The following ASMTL variants were observed in gnomAD, a reference collection of about 807,000 sequenced individuals.
The protein encoded by ASMTL is probable bifunctional dTTP/UTP pyrophosphatase/methyltransferase protein.
ASMTL carries 57 observed loss-of-function variants against 60.3 expected under a neutral mutation model. The ratio of observed to expected loss-of-function variants is 0.95; its 90% confidence interval spans 0.76 to 1.18. The LOEUF (loss-of-function observed/expected upper bound fraction) is 1.18, where lower values mean the gene tolerates loss of function less well. ASMTL is among the 50% of genes most tolerant of loss of function. The pLI is 0.00. For synonymous variants in ASMTL, 419 were observed against 373.0 expected (o/e 1.12, Z -1.42); for missense variants, 981 against 852.6 (o/e 1.15, Z -1.88).
chrX:1,407,097 G>A (rs1305695350), intron 12 of ASMTL, among the ~76,000 whole-genome samples: 2 of 146,236 alleles, frequency 1.4e-5, no homozygotes, highest in African/African-American at 5.3e-5. Context: ...GTGAACTGAT[G>A]GTAGATGATG....
rs756502646 is a variant in ASMTL, at chrX:1,403,385, C to T, written c.1750G>A (p.Glu584Lys). ...CACTGATACTCGCCCAGGCTCCGCT[C>T]CTTGCCTTCAGTCTGCACCAGCATG... is the stretch of plus-strand genomic sequence containing the variant. Reference protein sequence around the residue: ...LNMLVQTEGKERSLGEYQCLL... With the variant: ...LNMLVQTEGKKRSLGEYQCLL... The change falls in exon 13 of 13, where the codon GAG becomes AAG. Residue 584 changes from glutamate to lysine, a missense_variant. Coordinates refer to ENST00000381317, the MANE Select transcript of ASMTL (RefSeq NM_004192.4). 1.9e-6 allele frequency: 3 copies of T among 1,613,390 alleles called. No homozygotes were observed. The highest frequency in any genetic ancestry group is 2.5e-6 in the Non-Finnish European group (3 of 1,179,876).
At chrX:1,436,952 A>G (rs2090982242) in intron 3 of ASMTL, among the ~76,000 whole-genome samples, 1 of 152,214 alleles carries the variant, frequency 6.6e-6, no homozygotes, top group Non-Finnish European at 1.5e-5. Flanking sequence ...GAAGGGCGAG[A>G]TCCAGGTGTG....
intron 1 of ASMTL, among the ~76,000 whole-genome samples, chrX:1,450,078 C>CCCCATCACCAGTAACTAT (rs1262171906): frequency 6.6e-6 from 1 of 151,498 alleles, no homozygotes; most frequent in African/African-American, 2.4e-5. Flanking sequence ...GTAACTATGC[C>CCCCATCACCAGTAACTAT]CCCATCACCA....
At chrX:1,420,630 T>C (rs112133773) in intron 9 of ASMTL, among the ~76,000 whole-genome samples, 21,118 of 152,006 alleles carry the variant, frequency 0.14, 1,685 homozygotes, top group African/African-American at 0.21. Context: ...GACCCCACCA[T>C]ATCTCACACG....
chrX:1,415,756 G>A (rs1457503027), intron 11 of ASMTL, among the ~76,000 whole-genome samples: 2 of 152,222 alleles, frequency 1.3e-5, no homozygotes, highest in South Asian at 2.1e-4. Flanking sequence ...GTGAGCTACT[G>A]TGCCCAGCCT....
intron 3 of ASMTL, among the ~76,000 whole-genome samples, chrX:1,436,563 A>G (rs1241933308): frequency 6.6e-6 from 1 of 152,148 alleles, no homozygotes; most frequent in Non-Finnish European, 1.5e-5. Context: ...CATGTTGGCC[A>G]GGATGGTCTC....
At chrX:1,449,614 C>G (rs866010095) in intron 1 of ASMTL, among the ~76,000 whole-genome samples, 2 of 151,930 alleles carry the variant, frequency 1.3e-5, no homozygotes, top group Middle Eastern at 3.4e-3. Context: ...AGTAACTTCT[C>G]TGCCATCACC....
chrX:1,414,375 T>G (rs1197659841), intron 11 of ASMTL, among the ~76,000 whole-genome samples: 1 of 152,044 alleles, frequency 6.6e-6, no homozygotes, highest in Non-Finnish European at 1.5e-5. Flanking sequence ...AGAGCTGTTT[T>G]CCCCCAGCTG....
At chrX:1,428,965 C>T (rs769873626) in intron 6 of ASMTL, among the ~76,000 whole-genome samples, 2 of 151,184 alleles carry the variant, frequency 1.3e-5, no homozygotes, top group South Asian at 2.1e-4. Context: ...GGCGCGATCT[C>T]GGCTCCCTGC....
intron 12 of ASMTL, among the ~76,000 whole-genome samples, chrX:1,410,476 G>A (rs1354914318): frequency 2.6e-5 from 4 of 151,688 alleles, no homozygotes; most frequent in East Asian, 3.9e-4. Flanking sequence ...GTGCAGTGGC[G>A]CGATCTCTGC....
At chrX:1,416,714 G>A (rs368534774) in intron 11 of ASMTL, among the ~76,000 whole-genome samples, 8 of 147,096 alleles carry the variant, frequency 5.4e-5, no homozygotes, top group Non-Finnish European at 1.2e-4. Flanking sequence ...TCTTACGCAC[G>A]CACACACAAG....
intron 10 of ASMTL, among the ~76,000 whole-genome samples, chrX:1,418,558 A>G (rs1359397894): frequency 6.6e-6 from 1 of 151,962 alleles, no homozygotes; most frequent in African/African-American, 2.4e-5. Flanking sequence ...CAAGGAGGAG[A>G]GGCATTCAGA....
intron 4 of ASMTL, 74 bp from the exon 5 acceptor site, chrX:1,435,157 C>G: frequency 6.6e-7 from 1 of 1,510,418 alleles, no homozygotes. Flanking sequence ...TTCTCAAAAC[C>G]AGGGGAGGCA....
chrX:1,434,500 AAAAG>A (rs1464324919), intron 5 of ASMTL, among the ~76,000 whole-genome samples: 11 of 149,436 alleles, frequency 7.4e-5, no homozygotes, highest in Non-Finnish European at 1.0e-4. Context: ...AAAAAAAAAA[AAAAG>A]AAAGAAAGAA....
intron 7 of ASMTL, among the ~76,000 whole-genome samples, chrX:1,426,864 AG>A (rs1160685819): frequency 1.3e-5 from 2 of 151,972 alleles, no homozygotes; most frequent in Non-Finnish European, 2.9e-5. Context: ...ATCTTTCAGG[AG>A]GACCACAGTT....
chrX:1,432,328 C>T lies in ASMTL; in HGVS notation c.450G>A (p.Val150=), dbSNP rs373174516. Residue 150 remains valine (V), a synonymous_variant, in exon 6 of 13, where the codon GTG becomes GTA. Coordinates refer to ENST00000381317, the MANE Select transcript of ASMTL (RefSeq NM_004192.4). The part of the protein sequence containing the change: ...RVSEFYEETK[V]KFSELSEELL... Reference sequence around the variant, plus strand: ...GCTCCTCGGACAGCTCCGAGAACTTCACCTTCGTTTCCTCGTAGAATTCCG... The same window carrying T: ...GCTCCTCGGACAGCTCCGAGAACTTTACCTTCGTTTCCTCGTAGAATTCCG... 6.8e-6 allele frequency: 11 copies of T among 1,613,252 alleles called. No individual in the cohort carries two copies. The African/African-American group carries it at 1.5e-4, about 22-fold the overall frequency.
intron 9 of ASMTL, 36 bp from the exon 10 acceptor site, chrX:1,419,150 C>T: frequency 1.2e-6 from 2 of 1,606,376 alleles, no homozygotes; most frequent in African/African-American, 1.3e-5. Flanking sequence ...CACCAGAGAA[C>T]ACGGGGCGAG....
rs764294489 is a variant in ASMTL, at chrX:1,422,121, G to A, written c.1061-279C>T. On this transcript the variant is annotated intron_variant, in intron 8 of 12. Transcript: ENST00000381317. ...AACTGCTGTAACTGTTACCCACTGA[G>A]GCTGATCCTTTCTTCATGATCGTGG... Among the ~76,000 whole-genome samples, 77 of 152,290 alleles carry A rather than the reference G, an allele frequency of 5.1e-4. 1 individual carries two copies. Among genetic ancestry groups the A allele is most frequent in the Non-Finnish European group, 8.7e-4 (59 of 68,024 alleles).
intron 7 of ASMTL, 45 bp downstream of exon 7, chrX:1,427,689 T>C: frequency 6.4e-7 from 1 of 1,554,166 alleles, no homozygotes; most frequent in Non-Finnish European, 8.7e-7. Context: ...GCCGAGTGTG[T>C]AGGCTCATTT....
Sources: gnomAD v4.1 joint callset for allele counts (sites outside exome capture counted in the v4.1 genomes callset) on GRCh38, gnomAD v4.1.1 for gene constraint, MANE v1.5 for transcripts, NCBI Gene and HGNC (gene_info 2026-07-23, HGNC 2026-07-21) for gene names.